The following ZNF487 variants were observed in gnomAD, a reference collection of about 807,000 sequenced individuals.
ZNF487 encodes KRAB domain only 1.
A neutral mutation model predicts 3.0 loss-of-function variants in ZNF487; 4 were observed. That is an observed-to-expected ratio of 1.35 (90% CI 0.66 to 3.08). The LOEUF is 3.08. Among genes scored for constraint, ZNF487 ranks in the 30% most tolerant of loss-of-function variants. The pLI, the probability that ZNF487 is intolerant of heterozygous loss-of-function variation, is 0.01. For missense variants in ZNF487, 146 were observed against 98.7 expected (o/e 1.48, Z -2.03); for synonymous variants, 55 against 34.6 (o/e 1.59, Z -2.06).
intron 1 of ZNF487, among the ~76,000 whole-genome samples, chr10:43,440,055 T>TA (rs1491106983): frequency 1.4e-3 from 189 of 135,844 alleles, no homozygotes; most frequent in African/African-American, 4.6e-3. Flanking sequence ...TATATATATA[T>TA]TTTTTTTTTT....
chr10:43,463,265 G>A (rs1433959504), intron 1 of ZNF487, among the ~76,000 whole-genome samples: 1 of 150,622 alleles, frequency 6.6e-6, no homozygotes, highest in Admixed American at 6.6e-5. Context: ...TGGGCCAGGC[G>A]GATGGCTCAT....
At chr10:43,485,423 A>G (rs921114623), downstream of ZNF487, among the ~76,000 whole-genome samples, 2 of 152,230 alleles carry the variant, frequency 1.3e-5, no homozygotes, top group African/African-American at 2.4e-5. Context: ...TTCCATAAAG[A>G]AAAACCATAT....
intron 1 of ZNF487, among the ~76,000 whole-genome samples, chr10:43,464,141 C>A (rs868736919): frequency 2.6e-5 from 4 of 151,550 alleles, no homozygotes; most frequent in African/African-American, 7.3e-5. Flanking sequence ...CCTCTTGTGC[C>A]GAACAGCCCA....
chr10:43,444,062 C>T lies in ZNF487; in HGVS notation c.-94+6800C>T, dbSNP rs150056595. On this transcript the variant is annotated intron_variant, in intron 1 of 3. Transcript: ENST00000437590. ...AGAGATGGGGTTTTCACCATGTTAG[C>T]CAGGATGGTCTCCATCTCCTGACCT... Among the ~76,000 whole-genome samples, 295 of 151,784 alleles carry T rather than the reference C, an allele frequency of 1.9e-3. 2 individuals are homozygous for T. Among genetic ancestry groups the T allele is most frequent in the African/African-American group, 6.7e-3 (277 of 41,394 alleles).
At chr10:43,520,572 G>T in the ZNF487 span, among the ~76,000 whole-genome samples, 3 of 151,942 alleles carry the variant, frequency 2.0e-5, no homozygotes, top group African/African-American at 7.3e-5. Flanking sequence ...TGTGGCAAAA[G>T]AACAAAACCA....
At chr10:43,457,745 G>A (rs561118802) in intron 1 of ZNF487, among the ~76,000 whole-genome samples, 2 of 150,162 alleles carry the variant, frequency 1.3e-5, no homozygotes, top group South Asian at 2.1e-4. Flanking sequence ...GCTCTTTGCC[G>A]GGCAGGGTGG....
At chr10:43,483,239 T>C (rs1841431925), downstream of ZNF487, 1 of 379,102 alleles carries the variant, frequency 2.6e-6, no homozygotes, top group African/African-American at 2.1e-5. Flanking sequence ...TTCTTTTCTT[T>C]TCTTGTTGTT....
chr10:43,467,042 G>GT, intron 1 of ZNF487, among the ~76,000 whole-genome samples: 1 of 151,436 alleles, frequency 6.6e-6, no homozygotes, highest in Non-Finnish European at 1.5e-5. Flanking sequence ...TAATTGTTTT[G>GT]TATTTTTTTT....
chr10:43,459,292 T>C (rs1840334206), intron 1 of ZNF487, among the ~76,000 whole-genome samples: 1 of 151,974 alleles, frequency 6.6e-6, no homozygotes, highest in African/African-American at 2.4e-5. Context: ...TGCAGTGGCA[T>C]GGTCTTGGCT....
intron 1 of ZNF487, among the ~76,000 whole-genome samples, chr10:43,464,992 C>CA (rs1840614856): frequency 6.8e-6 from 1 of 147,064 alleles, no homozygotes. Flanking sequence ...GCTGGCTGGG[C>CA]GGGGGCTGAC....
At chr10:43,450,344 G>T (rs890996370) in intron 1 of ZNF487, among the ~76,000 whole-genome samples, 1 of 147,354 alleles carries the variant, frequency 6.8e-6, no homozygotes, top group East Asian at 2.1e-4. Context: ...CACCAAGCCC[G>T]GCCTCTTTTT....
At chr10:43,447,709 G>A (rs1839862666) in intron 1 of ZNF487, among the ~76,000 whole-genome samples, 1 of 152,102 alleles carries the variant, frequency 6.6e-6, no homozygotes, top group Non-Finnish European at 1.5e-5. Context: ...GCTCTCAAGT[G>A]GGACGCTGCA....
chr10:43,508,689 C>CA, the ZNF487 span, among the ~76,000 whole-genome samples: 27 of 151,864 alleles, frequency 1.8e-4, no homozygotes, highest in African/African-American at 6.5e-4. Flanking sequence ...AACAAACAAA[C>CA]AAAAAAACTA....
chr10:43,465,762 C>G (rs1372282095), intron 1 of ZNF487, among the ~76,000 whole-genome samples: 1 of 152,164 alleles, frequency 6.6e-6, no homozygotes, highest in East Asian at 1.9e-4. Flanking sequence ...CAGGCAGAGA[C>G]GCTCCTCACT....
At chr10:43,522,895 T>A in the ZNF487 span, among the ~76,000 whole-genome samples, 4 of 152,110 alleles carry the variant, frequency 2.6e-5, no homozygotes, top group South Asian at 2.1e-4. Flanking sequence ...TATCACCTGA[T>A]TTTTTTTCTG....
intron 1 of ZNF487, among the ~76,000 whole-genome samples, chr10:43,471,822 G>A (rs1186855948): frequency 6.6e-6 from 1 of 152,114 alleles, no homozygotes; most frequent in Non-Finnish European, 1.5e-5. Flanking sequence ...TGGTTTGTGA[G>A]TATGCAAAAA....
At chr10:43,444,363 A>G (rs1839727033) in intron 1 of ZNF487, among the ~76,000 whole-genome samples, 1 of 151,962 alleles carries the variant, frequency 6.6e-6, no homozygotes, top group Admixed American at 6.6e-5. Flanking sequence ...CTGGTCTGCT[A>G]TTTTCTACCT....
the ZNF487 span, among the ~76,000 whole-genome samples, chr10:43,497,684 T>C: frequency 6.6e-6 from 1 of 152,044 alleles, no homozygotes; most frequent in Non-Finnish European, 1.5e-5. Flanking sequence ...AAGAGATATA[T>C]AGGCTGGGCG....
intron 1 of ZNF487, among the ~76,000 whole-genome samples, chr10:43,471,804 G>A (rs1564425022): frequency 6.6e-6 from 1 of 152,146 alleles, no homozygotes; most frequent in Non-Finnish European, 1.5e-5. Context: ...TGGACAGTGT[G>A]TGCTCATTGG....
Sources: gnomAD v4.1 joint callset for allele counts (sites outside exome capture counted in the v4.1 genomes callset) on GRCh38, gnomAD v4.1.1 for gene constraint, MANE v1.5 for transcripts, NCBI Gene and HGNC (gene_info 2026-07-23, HGNC 2026-07-21) for gene names.